Variants in SGCZ observed in about 807,000 individuals in gnomAD.
SGCZ encodes the protein sarcoglycan zeta.
A neutral mutation model predicts 41.3 loss-of-function variants in SGCZ; 40 were observed. The observed-to-expected ratio is 0.97, with a 90% CI of 0.75 to 1.26. The LOEUF (loss-of-function observed/expected upper bound fraction) is 1.26. SGCZ is among the 50% of genes most tolerant of loss of function. The pLI, the probability that SGCZ is intolerant of heterozygous loss-of-function variation, is 0.00. For missense variants in SGCZ, 552 were observed against 369.8 expected (o/e 1.49, Z -4.04); for synonymous variants, 206 against 137.5 (o/e 1.50, Z -3.49).
intron 2 of SGCZ, among the ~76,000 whole-genome samples, chr8:14,521,455 CT>C (rs1206120021): frequency 6.6e-6 from 1 of 152,040 alleles, no homozygotes; most frequent in East Asian, 1.9e-4. Context: ...ACTTGTACCC[CT>C]GAACTTAAAA....
At chr8:14,587,899 T>G (rs375409983) in intron 1 of SGCZ, among the ~76,000 whole-genome samples, 27 of 152,264 alleles carry the variant, frequency 1.8e-4, no homozygotes, top group Non-Finnish European at 2.8e-4. Context: ...TGGGCAAGCT[T>G]GTAAGAGACT....
intron 1 of SGCZ, among the ~76,000 whole-genome samples, chr8:14,976,087 A>T (rs1459531347): frequency 7.3e-5 from 11 of 150,430 alleles, no homozygotes; most frequent in Non-Finnish European, 1.5e-4. Flanking sequence ...CAGTGGCACG[A>T]TCTTCACTCA....
chr8:14,867,297 G>A (rs1259841655), intron 1 of SGCZ, among the ~76,000 whole-genome samples: 1 of 152,070 alleles, frequency 6.6e-6, no homozygotes. Flanking sequence ...CTTTTTAAGA[G>A]CTGCATAGTA....
intron 1 of SGCZ, among the ~76,000 whole-genome samples, chr8:15,203,321 A>T (rs1042286364): frequency 9.2e-5 from 14 of 152,168 alleles, no homozygotes; most frequent in African/African-American, 1.4e-4. Context: ...TTCTCCTGGG[A>T]TAACAAAATC....
chr8:14,347,171 T>C (rs1262629442), intron 2 of SGCZ, among the ~76,000 whole-genome samples: 3 of 152,078 alleles, frequency 2.0e-5, no homozygotes, highest in African/African-American at 7.2e-5. Flanking sequence ...ACTACTCATT[T>C]TTCTTAGAAG....
chr8:14,247,053 G>A (rs578211237), intron 3 of SGCZ, among the ~76,000 whole-genome samples: 1 of 151,916 alleles, frequency 6.6e-6, no homozygotes, highest in Non-Finnish European at 1.5e-5. Flanking sequence ...CTGTTTACCT[G>A]ACTTCCTTGA....
chr8:14,279,326 C>A (rs2117284494), intron 3 of SGCZ, among the ~76,000 whole-genome samples: 1 of 152,114 alleles, frequency 6.6e-6, no homozygotes, highest in Non-Finnish European at 1.5e-5. Context: ...TGCATTAAAA[C>A]AATGCAACTA....
At chr8:14,282,334 T>C (rs1335729914) in intron 3 of SGCZ, among the ~76,000 whole-genome samples, 1 of 121,310 alleles carries the variant, frequency 8.2e-6, no homozygotes, top group Non-Finnish European at 1.7e-5. Context: ...CATTTGTCTG[T>C]CTGCCAAAAA....
At chr8:14,649,212 A>G (rs972225709) in intron 1 of SGCZ, among the ~76,000 whole-genome samples, 1 of 152,112 alleles carries the variant, frequency 6.6e-6, no homozygotes, top group African/African-American at 2.4e-5. Flanking sequence ...TACTTATCAA[A>G]CAGTAATTGC....
At chr8:14,474,991 C>G (rs1210046381) in intron 2 of SGCZ, among the ~76,000 whole-genome samples, 1 of 152,096 alleles carries the variant, frequency 6.6e-6, no homozygotes, top group African/African-American at 2.4e-5. Context: ...ATTAAGTATT[C>G]AGATACATAT....
At chr8:14,350,189 C>T (rs1468762473) in intron 2 of SGCZ, among the ~76,000 whole-genome samples, 3 of 150,774 alleles carry the variant, frequency 2.0e-5, no homozygotes, top group African/African-American at 7.3e-5. Context: ...GATCTGGAGA[C>T]ATTAATCTGT....
chr8:14,598,460 G>A (rs1167227835), intron 1 of SGCZ, among the ~76,000 whole-genome samples: 1 of 151,154 alleles, frequency 6.6e-6, no homozygotes, highest in Non-Finnish European at 1.5e-5. Context: ...TATACATGTA[G>A]TAGAGATGGG....
At chr8:14,928,238 T>C (rs1395724505) in intron 1 of SGCZ, among the ~76,000 whole-genome samples, 1 of 152,204 alleles carries the variant, frequency 6.6e-6, no homozygotes, top group Non-Finnish European at 1.5e-5. Flanking sequence ...CATAAAATAT[T>C]TCAATCAGAA....
chr8:15,237,470 C>T (rs1802172339), intron 1 of SGCZ, 115 bp downstream of exon 1: 23 of 1,278,962 alleles, frequency 1.8e-5, no homozygotes, highest in Non-Finnish European at 2.3e-5. Context: ...AACGCCCCCT[C>T]GTCGTCCCGC....
Position 15,159,744 on chromosome 8 carries a change from TC to T in SGCZ, c.39+77840del, listed in dbSNP as rs1235169959. Among the ~76,000 whole-genome samples, 25 of 4,990 alleles carry T rather than the reference TC, an allele frequency of 5.0e-3. 2 individuals are homozygous for T. The highest frequency in any genetic ancestry group is 6.1e-3 in the Non-Finnish European group (16 of 2,620). 3.3% of individuals were successfully genotyped at this position (4,990 alleles called of 152,430 possible). A position where few individuals can be genotyped will look rare whatever the true frequency, so the allele number is the denominator to read the frequency against. On this transcript the variant is annotated intron_variant, in intron 1 of 7. Transcript: ENST00000382080. ...TCCCTCGCCCCCGCCCCCCCCACCC[TC>T]CCCCCCACCCCCGCCACACACACAC...
chr8:15,215,711 C>A (rs1801378270), intron 1 of SGCZ, among the ~76,000 whole-genome samples: 1 of 152,090 alleles, frequency 6.6e-6, no homozygotes, highest in Non-Finnish European at 1.5e-5. Context: ...GCAGTCTGAC[C>A]CTGCCAAACT....
chr8:15,068,172 G>A (rs1410872034), intron 1 of SGCZ, among the ~76,000 whole-genome samples: 1 of 152,156 alleles, frequency 6.6e-6, no homozygotes, highest in Non-Finnish European at 1.5e-5. Context: ...AGAAAATAAG[G>A]AGTAGAGGAT....
chr8:14,374,095 A>C (rs1804014854), intron 2 of SGCZ, among the ~76,000 whole-genome samples: 1 of 152,204 alleles, frequency 6.6e-6, no homozygotes, highest in Non-Finnish European at 1.5e-5. Flanking sequence ...AGAAACACAA[A>C]GCCTAGGTGC....
At chr8:14,281,393 C>G (rs1009927572) in intron 3 of SGCZ, among the ~76,000 whole-genome samples, 1 of 151,974 alleles carries the variant, frequency 6.6e-6, no homozygotes, top group Non-Finnish European at 1.5e-5. Flanking sequence ...CTACTATCCT[C>G]AATTTTCCAT....
Sources: allele counts gnomAD v4.1 joint callset (sites outside exome capture counted in the v4.1 genomes callset), GRCh38; gene constraint gnomAD v4.1.1; transcripts MANE v1.5; gene names NCBI Gene and HGNC (gene_info 2026-07-23, HGNC 2026-07-21).